The following GCNT2 variants were observed in gnomAD, a reference collection of about 807,000 sequenced individuals.
GCNT2 encodes the protein N-acetyllactosaminide beta-1,6-N-acetylglucosaminyl-transferase.
In GCNT2, 34 loss-of-function variants were observed where a neutral mutation model predicts 34.2. The observed-to-expected ratio is 1.00, with a 90% CI of 0.76 to 1.32. GCNT2 has a LOEUF of 1.32. Ranked by LOEUF, GCNT2 falls within the 40% of genes most tolerant of loss-of-function variation. GCNT2 has a pLI of 0.00. For synonymous variants in GCNT2, 212 were observed against 188.0 expected (o/e 1.13, Z -1.04); for missense variants, 584 against 489.4 (o/e 1.19, Z -1.82).
At chr6:10,621,847 AGGC>A in intron 4 of GCNT2, among the ~76,000 whole-genome samples, 1 of 152,118 alleles carries the variant, frequency 6.6e-6, no homozygotes, top group African/African-American at 2.4e-5. Flanking sequence ...CTGGGACCAC[AGGC>A]GTGCACCACC....
At chr6:10,574,289 C>A (rs1202335159) in intron 3 of GCNT2, among the ~76,000 whole-genome samples, 1 of 152,150 alleles carries the variant, frequency 6.6e-6, no homozygotes, top group Admixed American at 6.5e-5. Context: ...CGGTGGGCAT[C>A]AGGACAACAT....
chr6:10,595,109 T>C lies in GCNT2; in HGVS notation c.926-26242T>C, dbSNP rs1015853354. 3.9e-5 allele frequency among the ~76,000 whole-genome samples: 6 copies of C among 152,162 alleles called. No homozygotes were observed. The South Asian group carries it at 6.2e-4, about 16-fold the overall frequency. ...ATTTCCATTAGTGTTATTGATGTAC[T>C]TTTTATGACCACCAAAAAGCTTCAC... On this transcript the variant is annotated intron_variant, in intron 3 of 4. Transcript: ENST00000495262.
rs557780911 is a variant in GCNT2, at chr6:10,626,426, T to G, written c.1028T>G (p.Val343Gly). Residue 343 changes from valine (V) to glycine (G), a missense_variant, in exon 5 of 5, where the codon GTA becomes GGA. By Grantham distance (109) the Val-to-Gly change is moderately radical. Coordinates refer to ENST00000495262, the MANE Select transcript of GCNT2 (RefSeq NM_145649.5). Reference sequence around the variant, plus strand: ...GTTCTTTCTTTTGCAGGCCACTATGTACATGGTATTTGTATCTATGGAAAC... The same window carrying G: ...GTTCTTTCTTTTGCAGGCCACTATGGACATGGTATTTGTATCTATGGAAAC... ...DRHGGCHGHYVHGICIYGNGD... is the reference protein window; with the variant it reads ...DRHGGCHGHYGHGICIYGNGD... The G allele has an allele frequency of 1.6e-5, 26 of 1,611,222 alleles. No individual in the cohort carries two copies. In the South Asian group the frequency reaches 2.9e-4, roughly 18 times the overall value.
chr6:10,554,402 C>G (rs1762605177), intron 3 of GCNT2, among the ~76,000 whole-genome samples: 1 of 152,142 alleles, frequency 6.6e-6, no homozygotes, highest in Admixed American at 6.6e-5. Context: ...TGGTTAGTGT[C>G]TATATTTCTT....
intron 2 of GCNT2, chr6:10,528,356 A>G (rs540307149): frequency 4.9e-5 from 8 of 163,274 alleles, no homozygotes; most frequent in African/African-American, 1.9e-4. Flanking sequence ...TATTGATAGA[A>G]TATCTCTCCA....
chr6:10,532,184 C>T (rs565868199), intron 3 of GCNT2, among the ~76,000 whole-genome samples: 88 of 152,226 alleles, frequency 5.8e-4, no homozygotes, highest in African/African-American at 2.0e-3. Context: ...CCTTCCCACT[C>T]TCAGAGTCTG....
At chr6:10,559,625 C>G (rs1762882105) in intron 3 of GCNT2, among the ~76,000 whole-genome samples, 1 of 152,246 alleles carries the variant, frequency 6.6e-6, no homozygotes, top group African/African-American at 2.4e-5. Context: ...GCTGGTGAGC[C>G]TGGATCATGT....
chr6:10,556,381 A>C (rs1561796190), intron 3 of GCNT2: 2 of 1,611,976 alleles, frequency 1.2e-6, no homozygotes, highest in Admixed American at 1.7e-5. Context: ...AAAAAGACTT[A>C]CAGATTTTGA....
rs1030733059 is a variant in GCNT2, at chr6:10,627,502, G to A, written c.*895G>A. 5.9e-5 allele frequency: 9 copies of A among 152,276 alleles called. No individual in the cohort carries two copies. In the East Asian group the frequency reaches 1.5e-3, roughly 26 times the overall value. 9.4% of individuals were successfully genotyped at this position (152,276 alleles called of 1,614,324 possible). A position where few individuals can be genotyped will look rare whatever the true frequency, so the allele number is the denominator to read the frequency against. On this transcript the variant is annotated 3_prime_UTR_variant, in exon 5 of 5. Transcript: ENST00000495262. ...CTGTGAGGCTTTTAATTGCACCATA[G>A]TATGCTCTGAGTAGCTTTACACTGC...
At chr6:10,551,519 C>G in intron 3 of GCNT2, among the ~76,000 whole-genome samples, 1 of 150,592 alleles carries the variant, frequency 6.6e-6, no homozygotes, top group Middle Eastern at 3.4e-3. Context: ...GATTTCGGCT[C>G]ACAGCAACGT....
chr6:10,558,649 A>G (rs1762831692), intron 3 of GCNT2, among the ~76,000 whole-genome samples: 1 of 152,340 alleles, frequency 6.6e-6, no homozygotes. Context: ...AAAAGCAATC[A>G]TTGTTCTGGC....
At position 10,566,074 on chromosome 6, in the gene GCNT2, G is replaced by A. The variant is rs369733033; in HGVS notation, c.925+36238G>A. ...CTGCGCCCTTCCCCAGATAACTTGC[G>A]GATCCCTGTTCTGCCACTCCCAGCC... is the stretch of plus-strand genomic sequence containing the variant. On this transcript the variant is annotated intron_variant, in intron 3 of 4. Coordinates refer to ENST00000495262, the MANE Select transcript of GCNT2 (RefSeq NM_145649.5). 9.2e-5 allele frequency among the ~76,000 whole-genome samples: 14 copies of A among 152,100 alleles called. No homozygotes were observed. In the East Asian group the frequency reaches 1.2e-3, roughly 13 times the overall value.
chr6:10,594,648 T>C (rs1423084837), intron 3 of GCNT2, among the ~76,000 whole-genome samples: 1 of 152,108 alleles, frequency 6.6e-6, no homozygotes, highest in Non-Finnish European at 1.5e-5. Context: ...ATGTGAACAT[T>C]TATTAAGAAA....
intron 4 of GCNT2, among the ~76,000 whole-genome samples, chr6:10,624,009 G>A (rs1191384007): frequency 2.6e-5 from 4 of 152,028 alleles, no homozygotes; most frequent in Admixed American, 6.6e-5. Context: ...CTTTTTTGCC[G>A]TTTGTACTTC....
At chr6:10,621,861 A>G (rs1199303993) in intron 4 of GCNT2, among the ~76,000 whole-genome samples, 3 of 150,916 alleles carry the variant, frequency 2.0e-5, no homozygotes, top group African/African-American at 7.3e-5. Flanking sequence ...GTGCACCACC[A>G]CACCTGGCTA....
chr6:10,574,903 A>G (rs928545661), intron 3 of GCNT2: 21 of 700,492 alleles, frequency 3.0e-5, no homozygotes, highest in Non-Finnish European at 5.3e-5. Context: ...GTTTTTCTTC[A>G]AGCGTTTCAG....
chr6:10,586,456 C>T (rs747022313), intron 3 of GCNT2: 12 of 1,614,152 alleles, frequency 7.4e-6, no homozygotes, highest in South Asian at 5.5e-5. Flanking sequence ...GCTTCAAAGA[C>T]AGAGTCTGTG....
chr6:10,545,992 C>T (rs1201295385), intron 3 of GCNT2, among the ~76,000 whole-genome samples: 1 of 152,118 alleles, frequency 6.6e-6, no homozygotes, highest in Non-Finnish European at 1.5e-5. Context: ...TTGATCTTTT[C>T]CCCATGTGTA....
intron 3 of GCNT2, among the ~76,000 whole-genome samples, chr6:10,540,686 G>A (rs76798439): frequency 0.01 from 1,584 of 152,274 alleles, 11 homozygotes; most frequent in Non-Finnish European, 0.016. Context: ...AAGAGAAATC[G>A]TCTGCATGTC....
Sources: gnomAD v4.1 joint callset for allele counts (sites outside exome capture counted in the v4.1 genomes callset) on GRCh38, gnomAD v4.1.1 for gene constraint, MANE v1.5 for transcripts, NCBI Gene and HGNC (gene_info 2026-07-23, HGNC 2026-07-21) for gene names.